Variants in GATC observed in about 807,000 individuals in gnomAD.
The protein encoded by GATC is glutamyl-tRNA(Gln) amidotransferase subunit C, mitochondrial.
GATC carries 11 observed loss-of-function variants against 14.4 expected under a neutral mutation model. The ratio of observed to expected loss-of-function variants is 0.77; its 90% CI spans 0.48 to 1.27. The LOEUF is 1.27. Among genes scored for constraint, GATC ranks in the 50% most tolerant of loss-of-function variants. GATC has a pLI of 0.00. For missense variants in GATC, 204 were observed against 183.0 expected, an observed-to-expected ratio of 1.11 and a Z score of -0.66; for synonymous variants, 76 against 79.3, an observed-to-expected ratio of 0.96 and a Z score of 0.22.
chr12:120,452,523 G>A (rs1045335957), intron 2 of GATC, among the ~76,000 whole-genome samples: 1 of 152,122 alleles, frequency 6.6e-6, no homozygotes, highest in Non-Finnish European at 1.5e-5. Flanking sequence ...TCAAGTAGCT[G>A]GGACTACAGG....
rs34136998 is a variant in GATC at position 120,461,899 on chromosome 12, T to TA, written c.*1952dup. 0.16 allele frequency: 124,701 copies of TA among 803,086 alleles called. 1,756 individuals carry two copies. The highest frequency in any genetic ancestry group is 0.17 in the Non-Finnish European group (100,726 of 601,300). The allele number at this position is 803,086 out of a possible 1,614,324, so 49.7% of individuals were successfully genotyped here. On this transcript the variant is annotated 3_prime_UTR_variant, in exon 4 of 4. Coordinates refer to ENST00000551765, the MANE Select transcript of GATC (RefSeq NM_176818.3). The stretch of plus-strand genomic sequence containing the variant: ...AAATTATGTAGTTTTTTTTCTTCTT[T>TA]AAAAAAAAAAAATTAAAAAAATTTC...
At chr12:120,449,401 T>C (rs1306739842) in intron 2 of GATC, among the ~76,000 whole-genome samples, 1 of 152,192 alleles carries the variant, frequency 6.6e-6, no homozygotes, top group African/African-American at 2.4e-5. Context: ...TTTTTCCTTA[T>C]CATGTTCTCA....
chr12:120,462,262 C>T lies in GATC; in HGVS notation c.*2303C>T. The T allele has an allele frequency of 3.8e-6, 5 of 1,314,864 alleles. No homozygotes were observed. Among genetic ancestry groups the T allele is most frequent in the Non-Finnish European group, 5.2e-6 (5 of 957,692 alleles). The allele number at this position is 1,314,864 out of a possible 1,614,324, so 81.4% of individuals were successfully genotyped here. ...AACAATAATAGTTAAGTATTGAGCA[C>T]TTACTGTGTACTCTGTGCCTGGCAT... On this transcript the variant is annotated 3_prime_UTR_variant, in exon 4 of 4. Coordinates refer to ENST00000551765, the MANE Select transcript of GATC (RefSeq NM_176818.3).
rs550447388 is a variant in GATC at position 120,455,048 on chromosome 12, C to T, written c.255-2028C>T. 49 of 425,590 alleles carry T rather than the reference C, an allele frequency of 1.2e-4. 1 individual carries two copies. Among genetic ancestry groups the T allele is most frequent in the African/African-American group, 3.7e-4 (18 of 49,056 alleles). 26.4% of individuals were successfully genotyped at this position (425,590 alleles called of 1,614,324 possible). ...GATTACAGGTATGTACCACCATGCC[C>T]GGCTAACTTTTATATTTTTAGTAGA... On this transcript the variant is annotated intron_variant, in intron 2 of 3. Transcript: ENST00000551765.
intron 3 of GATC, among the ~76,000 whole-genome samples, chr12:120,459,705 A>T (rs1457110704): frequency 1.3e-5 from 2 of 152,056 alleles, no homozygotes; most frequent in African/African-American, 4.8e-5. Context: ...AAATACAAAA[A>T]ATTAGCCGGG....
chr12:120,453,453 A>C (rs2137041530), intron 2 of GATC, among the ~76,000 whole-genome samples: 1 of 152,298 alleles, frequency 6.6e-6, no homozygotes, highest in Admixed American at 6.5e-5. Context: ...AGATAAGTTA[A>C]CTTATCATCA....
intron 2 of GATC, chr12:120,454,885 CTCTTT>C: frequency 3.8e-6 from 1 of 262,058 alleles, no homozygotes; most frequent in South Asian, 3.4e-5. Context: ...TAGTACAACT[CTCTTT>C]TGTGTGTGTG....
chr12:120,458,328 G>A (rs1198664404), intron 3 of GATC, among the ~76,000 whole-genome samples: 2 of 151,810 alleles, frequency 1.3e-5, no homozygotes, highest in African/African-American at 2.4e-5. Flanking sequence ...TGATCTACCC[G>A]CCTCAGCCTC....
At position 120,457,184 on chromosome 12, in the gene GATC, G is replaced by A; in HGVS notation, c.358+5G>A. On this transcript the variant is annotated splice_donor_5th_base_variant and intron_variant, in intron 3 of 3. Transcript: ENST00000551765. ...AGTACTTTGTGGCCCCCCCAGGTACGTGCTGCCCAGAATGGTTTAACAGAT... is the reference window on the plus strand; with the variant it reads ...AGTACTTTGTGGCCCCCCCAGGTACATGCTGCCCAGAATGGTTTAACAGAT... The A allele has an allele frequency of 3.8e-6, 6 of 1,596,936 alleles. No homozygotes were observed. The highest frequency in any genetic ancestry group is 1.1e-5 in the South Asian group (1 of 90,646).
chr12:120,457,572 C>G (rs1337140771), intron 3 of GATC, among the ~76,000 whole-genome samples: 1 of 142,472 alleles, frequency 7.0e-6, no homozygotes, highest in African/African-American at 2.6e-5. Context: ...CTGGGTACCA[C>G]AAAAAAACCA....
chr12:120,447,572 C>G (rs1014837301), intron 2 of GATC, among the ~76,000 whole-genome samples: 6 of 152,008 alleles, frequency 3.9e-5, no homozygotes, highest in Non-Finnish European at 8.8e-5. Flanking sequence ...TGGCACAGGT[C>G]TCAGCTTATC....
At chr12:120,449,438 T>C (rs1877976344) in intron 2 of GATC, among the ~76,000 whole-genome samples, 1 of 151,326 alleles carries the variant, frequency 6.6e-6, no homozygotes, top group Non-Finnish European at 1.5e-5. Flanking sequence ...ATTCAGTAAA[T>C]GTGTTTTGTT....
At chr12:120,452,011 G>A (rs979751906) in intron 2 of GATC, among the ~76,000 whole-genome samples, 5 of 150,286 alleles carry the variant, frequency 3.3e-5, no homozygotes, top group African/African-American at 1.2e-4. Context: ...CAAGTAGCTG[G>A]GACTACAGGT....
intron 2 of GATC, chr12:120,455,077 A>AGGG (rs1380594688): frequency 2.5e-6 from 1 of 392,690 alleles, no homozygotes; most frequent in East Asian, 7.4e-5. Flanking sequence ...TAGTAGAGAC[A>AGGG]GGGTTTCACC....
In GATC at chr12:120,446,450, G is replaced by C. The variant is rs117692929; in HGVS notation, c.-31G>C. ...AGGCGCGTCGCTCGGCGTTACGCGC[G>C]GGCGCACTGCGGGGGCCAAGGAAGG... On this transcript the variant is annotated 5_prime_UTR_variant, in exon 1 of 4. Transcript: ENST00000551765. The C allele has an allele frequency of 0.022, 34,728 of 1,604,456 alleles. 462 individuals are homozygous for C. The highest frequency in any genetic ancestry group is 0.026 in the Non-Finnish European group (30,480 of 1,173,248).
At chr12:120,452,959 G>C (rs1231046870) in intron 2 of GATC, among the ~76,000 whole-genome samples, 1 of 152,148 alleles carries the variant, frequency 6.6e-6, no homozygotes, top group South Asian at 2.1e-4. Context: ...GCCTCCTGAA[G>C]TGTTGGGAAT....
chr12:120,462,124 G>A lies in GATC; in HGVS notation c.*2165G>A. 6.2e-7 allele frequency: 1 copy of A among 1,613,012 alleles called. No homozygotes were observed. Among genetic ancestry groups the A allele is most frequent in the Non-Finnish European group, 8.5e-7 (1 of 1,179,902 alleles). On this transcript the variant is annotated 3_prime_UTR_variant, in exon 4 of 4. Transcript: ENST00000551765. ...GAGACCGTGAGTAGCCATAGCTGGTGCTTCTCTCAGGATAAACTCGGATGT... is the reference window on the plus strand; with the variant it reads ...GAGACCGTGAGTAGCCATAGCTGGTACTTCTCTCAGGATAAACTCGGATGT...
At position 120,460,036 on chromosome 12, in the gene GATC, A is replaced by G. The variant is rs1302819093; in HGVS notation, c.*77A>G. On this transcript the variant is annotated 3_prime_UTR_variant, in exon 4 of 4. Coordinates refer to ENST00000551765, the MANE Select transcript of GATC (RefSeq NM_176818.3). ...CAGTATTTTTTTACTGTGAATACTA[A>G]TGTTCCTGCTTTTTTCAGTCCCCTG... 1 of 1,086,488 alleles carries G rather than the reference A, an allele frequency of 9.2e-7. No individual in the cohort carries two copies. The highest frequency in any genetic ancestry group is 2.0e-5 in the Admixed American group (1 of 49,704). The allele number at this position is 1,086,488 out of a possible 1,614,324, so 67.3% of individuals were successfully genotyped here.
chr12:120,446,851 C>G (rs541109328), intron 2 of GATC, 22 bp downstream of exon 2: 7 of 1,576,316 alleles, frequency 4.4e-6, no homozygotes, highest in Admixed American at 1.8e-5. Flanking sequence ...GCTGCAGCCC[C>G]GAAGCCTTGA....
Sources: allele counts gnomAD v4.1 joint callset (sites outside exome capture counted in the v4.1 genomes callset), GRCh38; gene constraint gnomAD v4.1.1; transcripts MANE v1.5; gene names NCBI Gene and HGNC (gene_info 2026-07-23, HGNC 2026-07-21).